Variants in SLC17A8 observed in about 807,000 individuals in gnomAD.
SLC17A8 encodes solute carrier family 17 member 8, also known as vesicular glutamate transporter 3.
SLC17A8 carries 31 observed loss-of-function variants against 58.0 expected under a neutral mutation model. The ratio of observed to expected loss-of-function variants is 0.53; its 90% CI spans 0.40 to 0.72. SLC17A8 has a LOEUF of 0.72. SLC17A8 is among the 30% of genes least tolerant of loss of function. The probability of loss-of-function intolerance (pLI) is 0.00; values close to 1 mark genes in which losing one functional copy is unlikely to be tolerated. For synonymous variants in SLC17A8, 228 were observed against 249.0 expected (o/e 0.92, Z 0.79); for missense variants, 655 against 727.8 (o/e 0.90, Z 1.15).
intron 9 of SLC17A8, among the ~76,000 whole-genome samples, chr12:100,404,666 T>C (rs1372417441): frequency 6.6e-6 from 1 of 152,238 alleles, no homozygotes; most frequent in African/African-American, 2.4e-5. Context: ...ATGAGTGCTT[T>C]TTAAAAAACT....
At chr12:100,404,229 T>G (rs1187781039) in intron 9 of SLC17A8, 59 bp downstream of exon 9, 4 of 1,602,200 alleles carry the variant, frequency 2.5e-6, no homozygotes, top group African/African-American at 1.3e-5. Context: ...TAAACTGAAC[T>G]GCAGAGCATA....
chr12:100,385,315 C>T lies in SLC17A8; in HGVS notation c.354+4362C>T, dbSNP rs1048429369. Among the ~76,000 whole-genome samples, 27 of 144,526 alleles carry T rather than the reference C, an allele frequency of 1.9e-4. No individual in the cohort carries two copies. In the Admixed American group the frequency reaches 1.9e-3, roughly 10 times the overall value. 94.8% of individuals were successfully genotyped at this position (144,526 alleles called of 152,430 possible). ...GCGGTGACATGATCTCAGCTCACTG[C>T]GACCTCCACCTCCCCGGTTCAAGCG... On this transcript the variant is annotated intron_variant, in intron 2 of 11. Transcript: ENST00000323346.
chr12:100,371,514 A>G (rs1402078339), intron 1 of SLC17A8, among the ~76,000 whole-genome samples: 1 of 152,190 alleles, frequency 6.6e-6, no homozygotes, highest in Non-Finnish European at 1.5e-5. Flanking sequence ...CACCAGCTGC[A>G]GCTGGATGAT....
chr12:100,390,451 A>G (rs1390324196), intron 2 of SLC17A8, among the ~76,000 whole-genome samples: 1 of 151,436 alleles, frequency 6.6e-6, no homozygotes, highest in Non-Finnish European at 1.5e-5. Flanking sequence ...GGTTCATGCC[A>G]TTCTCCTGCC....
chr12:100,360,368 A>G (rs1051437900), intron 1 of SLC17A8, among the ~76,000 whole-genome samples: 4 of 152,230 alleles, frequency 2.6e-5, no homozygotes, highest in South Asian at 4.1e-4. Flanking sequence ...ACAAAACAGT[A>G]TCTTTCAGAC....
At chr12:100,358,512 A>C (rs1171985088) in intron 1 of SLC17A8, among the ~76,000 whole-genome samples, 2 of 152,162 alleles carry the variant, frequency 1.3e-5, no homozygotes, top group Non-Finnish European at 2.9e-5. Context: ...CCATGGTATC[A>C]CTGTTAATAT....
chr12:100,393,502 A>G lies in SLC17A8; in HGVS notation c.588+19A>G. ...AGTGGAGGTAGGAGATACTTTCCTT[A>G]CAGTTTTTGATATTGCTAGAGACAG... is the stretch of plus-strand genomic sequence containing the variant. On this transcript the variant is annotated intron_variant, in intron 4 of 11. Coordinates refer to ENST00000323346, the MANE Select transcript of SLC17A8 (RefSeq NM_139319.3). 6.4e-7 allele frequency: 1 copy of G among 1,568,982 alleles called. No homozygotes were observed. Among genetic ancestry groups the G allele is most frequent in the South Asian group, 1.1e-5 (1 of 90,114 alleles).
At chr12:100,365,287 T>C (rs1328064605) in intron 1 of SLC17A8, among the ~76,000 whole-genome samples, 1 of 152,190 alleles carries the variant, frequency 6.6e-6, no homozygotes, top group Non-Finnish European at 1.5e-5. Context: ...ATTTCTCTAC[T>C]ATAGATGACA....
intron 10 of SLC17A8, among the ~76,000 whole-genome samples, chr12:100,414,187 T>C (rs753996106): frequency 6.6e-6 from 1 of 152,196 alleles, no homozygotes; most frequent in Non-Finnish European, 1.5e-5. Flanking sequence ...AGAACAGTTC[T>C]GCCTGGCCCA....
At chr12:100,361,975 CA>C (rs200962391) in intron 1 of SLC17A8, among the ~76,000 whole-genome samples, 7 of 150,312 alleles carry the variant, frequency 4.7e-5, no homozygotes, top group African/African-American at 1.5e-4. Flanking sequence ...AAAAACAAAA[CA>C]AAAAAAAACA....
At chr12:100,393,531 A>T in intron 4 of SLC17A8, 48 bp downstream of exon 4, 1 of 1,369,720 alleles carries the variant, frequency 7.3e-7, no homozygotes, top group Non-Finnish European at 1.0e-6. Context: ...GAGACAGCGC[A>T]GTCCTTTAGA....
chr12:100,365,460 T>C (rs1030606671), intron 1 of SLC17A8, among the ~76,000 whole-genome samples: 1 of 152,202 alleles, frequency 6.6e-6, no homozygotes, highest in Non-Finnish European at 1.5e-5. Context: ...AGCCTAGACT[T>C]GCTACAGAAC....
rs1374315014 is a variant in SLC17A8 at position 100,381,577 on chromosome 12, A to AGAGAGG, written c.354+629_354+630insGGAGAG. Among the ~76,000 whole-genome samples the AGAGAGG allele has an allele frequency of 2.0e-5, 3 of 151,298 alleles. No individual in the cohort carries two copies. In the East Asian group the frequency reaches 5.9e-4, roughly 30 times the overall value. On this transcript the variant is annotated intron_variant, in intron 2 of 11. Transcript: ENST00000323346. ...GACTGTAAGAAAGAGACAGAGAGAG[A>AGAGAGG]GAGAGAGAGAGAGAACGTACACATG...
chr12:100,376,565 C>A (rs1008988277), intron 1 of SLC17A8, among the ~76,000 whole-genome samples: 2 of 152,162 alleles, frequency 1.3e-5, no homozygotes, highest in South Asian at 4.1e-4. Context: ...CCAATTTGTT[C>A]TTGCTTTCTG....
At chr12:100,374,169 G>C (rs917181365) in intron 1 of SLC17A8, among the ~76,000 whole-genome samples, 1 of 152,154 alleles carries the variant, frequency 6.6e-6, no homozygotes, top group Non-Finnish European at 1.5e-5. Context: ...CACACAGCTC[G>C]CGTATCAGTG....
intron 1 of SLC17A8, among the ~76,000 whole-genome samples, chr12:100,367,870 A>T (rs1467633013): frequency 3.3e-5 from 5 of 152,160 alleles, no homozygotes; most frequent in Non-Finnish European, 5.9e-5. Context: ...TATTTTTTTT[A>T]AAAGTCATGG....
intron 2 of SLC17A8, among the ~76,000 whole-genome samples, chr12:100,388,881 T>TA (rs1430854480): frequency 2.6e-5 from 4 of 152,348 alleles, no homozygotes; most frequent in Admixed American, 2.6e-4. Context: ...TTGATTTAGG[T>TA]ACTAAGACTA....
chr12:100,357,248 T>G lies in SLC17A8; in HGVS notation c.-144T>G. The G allele has an allele frequency of 2.8e-6, 2 of 707,614 alleles. No individual in the cohort carries two copies. Among genetic ancestry groups the G allele is most frequent in the Non-Finnish European group, 5.2e-6 (2 of 384,906 alleles). 43.8% of individuals were successfully genotyped at this position (707,614 alleles called of 1,614,324 possible). A position where few individuals can be genotyped will look rare whatever the true frequency, so the allele number is the denominator to read the frequency against. On this transcript the variant is annotated 5_prime_UTR_variant, in exon 1 of 12. Coordinates refer to ENST00000323346, the MANE Select transcript of SLC17A8 (RefSeq NM_139319.3). Reference sequence around the variant, plus strand: ...AGATCCGAGCTGGGTTTCATCTCCTTTTTGATTTTGAGTAGTTCCCTCCAC... The same window carrying G: ...AGATCCGAGCTGGGTTTCATCTCCTGTTTGATTTTGAGTAGTTCCCTCCAC...
intron 2 of SLC17A8, among the ~76,000 whole-genome samples, chr12:100,390,689 C>T (rs1566395462): frequency 6.6e-6 from 1 of 152,050 alleles, no homozygotes; most frequent in Non-Finnish European, 1.5e-5. Context: ...GTTGCCCAGG[C>T]TGGAGTGCAT....
Sources: gnomAD v4.1 joint callset for allele counts (sites outside exome capture counted in the v4.1 genomes callset) on GRCh38, gnomAD v4.1.1 for gene constraint, MANE v1.5 for transcripts, NCBI Gene and HGNC (gene_info 2026-07-23, HGNC 2026-07-21) for gene names.